CD2AP: variants seen among roughly 807,000 people sequenced by gnomAD.
CD2AP encodes the protein CD2-associated protein.
Under a neutral mutation model 85.1 loss-of-function variants are expected in CD2AP, and 46 were observed. That is an observed-to-expected ratio of 0.54 (90% CI 0.43 to 0.69). The LOEUF (loss-of-function observed/expected upper bound fraction) is 0.69. CD2AP is among the 30% of genes least tolerant of loss of function. The probability of loss-of-function intolerance (pLI) is 0.00; values close to 1 mark genes in which losing one functional copy is unlikely to be tolerated. For synonymous variants in CD2AP, 255 were observed against 252.9 expected, an observed-to-expected ratio of 1.01 and a Z score of -0.08; for missense variants, 769 against 729.5, an observed-to-expected ratio of 1.05 and a Z score of -0.62.
chr6:47,481,023 C>T lies in CD2AP; in HGVS notation c.4+2775C>T, dbSNP rs901361173. On this transcript the variant is annotated intron_variant, in intron 1 of 17. Coordinates refer to ENST00000359314, the MANE Select transcript of CD2AP (RefSeq NM_012120.3). Reference sequence around the variant, plus strand: ...ACATTTGTTAAATGTGATAAAATGCCTATTGAGAAGTTTGAGGTATTCTGT... The same window carrying T: ...ACATTTGTTAAATGTGATAAAATGCTTATTGAGAAGTTTGAGGTATTCTGT... Among the ~76,000 whole-genome samples, 3 of 152,112 alleles carry T rather than the reference C, an allele frequency of 2.0e-5. No homozygotes were observed. The East Asian group carries it at 5.8e-4, about 29-fold the overall frequency.
In CD2AP at chr6:47,609,325, C is replaced by T. The variant is rs748448514; in HGVS notation, c.1814+21C>T. The T allele has an allele frequency of 2.6e-6, 4 of 1,567,928 alleles. No individual in the cohort carries two copies. The Admixed American group carries it at 6.7e-5, about 26-fold the overall frequency. On this transcript the variant is annotated intron_variant, in intron 16 of 17. Transcript: ENST00000359314. ...CACGGGTAAGTAGCCCTTCTTTTCT[C>T]CTGTGAGTACTACTTAACCCATGCA...
At chr6:47,582,249 CA>C in intron 11 of CD2AP, 184 bp downstream of exon 11, 2 of 542,066 alleles carry the variant, frequency 3.7e-6, no homozygotes, top group Non-Finnish European at 3.4e-6. Flanking sequence ...AATTTACATT[CA>C]TTAAAAAATT....
intron 1 of CD2AP, among the ~76,000 whole-genome samples, chr6:47,482,303 A>G (rs1765465330): frequency 6.6e-6 from 1 of 152,156 alleles, no homozygotes; most frequent in Non-Finnish European, 1.5e-5. Context: ...AAATCACATT[A>G]AGGCTGAAAA....
At chr6:47,577,836 C>G (rs1001039519) in intron 8 of CD2AP, among the ~76,000 whole-genome samples, 8 of 151,948 alleles carry the variant, frequency 5.3e-5, no homozygotes, top group African/African-American at 1.9e-4. Context: ...CTTTGGCCTC[C>G]CAAAGTGCCG....
chr6:47,596,549 T>C (rs1469645499), intron 12 of CD2AP, among the ~76,000 whole-genome samples: 1 of 152,136 alleles, frequency 6.6e-6, no homozygotes, highest in Non-Finnish European at 1.5e-5. Context: ...TTATTTGACT[T>C]AACATCCTCC....
intron 1 of CD2AP, among the ~76,000 whole-genome samples, chr6:47,494,750 G>A (rs1765815452): frequency 6.6e-6 from 1 of 152,182 alleles, no homozygotes; most frequent in Non-Finnish European, 1.5e-5. Flanking sequence ...TCCACAGTCA[G>A]CCTCCAGCAA....
At chr6:47,608,068 G>C (rs772289650) in intron 15 of CD2AP, 40 bp downstream of exon 15, 2 of 1,359,840 alleles carry the variant, frequency 1.5e-6, no homozygotes, top group South Asian at 2.3e-5. Context: ...GACTTTCTGG[G>C]ATTCTTTGTG....
intron 13 of CD2AP, among the ~76,000 whole-genome samples, chr6:47,599,975 GTT>G (rs146768764): frequency 6.8e-6 from 1 of 146,600 alleles, no homozygotes; most frequent in East Asian, 2.0e-4. Context: ...TGTACTTCCT[GTT>G]TTTTTTTTAA....
intron 13 of CD2AP, among the ~76,000 whole-genome samples, chr6:47,601,718 C>A (rs1769141304): frequency 6.6e-6 from 1 of 151,888 alleles, no homozygotes; most frequent in African/African-American, 2.4e-5. Context: ...TATTTTGGCT[C>A]AAATACAGCC....
chr6:47,526,820 A>G (rs1205835080), intron 2 of CD2AP, among the ~76,000 whole-genome samples: 5 of 152,172 alleles, frequency 3.3e-5, no homozygotes, highest in Admixed American at 2.6e-4. Flanking sequence ...CAATGTAGGT[A>G]GCTTATGAGG....
rs1293791192 is a variant in CD2AP, at chr6:47,606,252, C to T, written c.1505C>T (p.Pro502Leu). ...CCAAAGATGCCTGGAAGAAGGTTGCCGGGCCGTTTCAATGGTGGACATTCT... is the reference window on the plus strand; with the variant it reads ...CCAAAGATGCCTGGAAGAAGGTTGCTGGGCCGTTTCAATGGTGGACATTCT... Reference protein sequence around the residue: ...NRPKMPGRRLPGRFNGGHSPT... With the variant: ...NRPKMPGRRLLGRFNGGHSPT... The change falls in exon 14 of 18, where the codon CCG becomes CTG. Residue 502 changes from proline to leucine, a missense_variant. Transcript: ENST00000359314. 1.6e-5 allele frequency: 25 copies of T among 1,607,114 alleles called. No individual in the cohort carries two copies. The East Asian group carries it at 1.8e-4, about 11-fold the overall frequency.
chr6:47,585,771 A>C lies in CD2AP; in HGVS notation c.1108+3706A>C, dbSNP rs558504866. Among the ~76,000 whole-genome samples the C allele has an allele frequency of 4.6e-5, 7 of 152,354 alleles. No individual in the cohort carries two copies. In the South Asian group the frequency reaches 1.4e-3, roughly 32 times the overall value. Reference sequence around the variant, plus strand: ...AATGGAGAAATAACCATTGGAAAGCAATAGGTGAAGCACTCTTTGTAACTC... The same window carrying C: ...AATGGAGAAATAACCATTGGAAAGCCATAGGTGAAGCACTCTTTGTAACTC... On this transcript the variant is annotated intron_variant, in intron 11 of 17. Transcript: ENST00000359314.
At chr6:47,591,903 C>T (rs1289594512) in intron 11 of CD2AP, among the ~76,000 whole-genome samples, 1 of 152,120 alleles carries the variant, frequency 6.6e-6, no homozygotes, top group African/African-American at 2.4e-5. Flanking sequence ...TAGCCCACTG[C>T]AACCTCAAAC....
At chr6:47,606,687 G>T (rs951924485) in intron 14 of CD2AP, among the ~76,000 whole-genome samples, 5 of 151,564 alleles carry the variant, frequency 3.3e-5, no homozygotes, top group Admixed American at 2.0e-4. Flanking sequence ...ATTAACTTCA[G>T]CAGGTACATA....
chr6:47,622,667 G>A (rs1215148046), intron 17 of CD2AP, among the ~76,000 whole-genome samples: 1 of 152,196 alleles, frequency 6.6e-6, no homozygotes, highest in African/African-American at 2.4e-5. Flanking sequence ...CACTTCCGCA[G>A]TTGGGACACA....
chr6:47,559,257 A>G (rs1483124513), intron 5 of CD2AP, among the ~76,000 whole-genome samples: 2 of 130,638 alleles, frequency 1.5e-5, no homozygotes, highest in Non-Finnish European at 3.3e-5. Context: ...GTTTCGTGCA[A>G]TTTTTTTTTT....
At chr6:47,543,148 C>CAAAAAAAAAAAAAAAAAAAAAAAAGAAAA (rs1767269647) in intron 3 of CD2AP, among the ~76,000 whole-genome samples, 1 of 60,320 alleles carries the variant, frequency 1.7e-5, no homozygotes. Context: ...AAGACTGTCT[C>CAAAAAAAAAAAAAAAAAAAAAAAAGAAAA]AAAAAAAAAA....
At chr6:47,579,536 G>A (rs1768413814) in intron 9 of CD2AP, 47 bp downstream of exon 9, 1 of 1,230,248 alleles carries the variant, frequency 8.1e-7, no homozygotes, top group Non-Finnish European at 1.2e-6. Flanking sequence ...AGAACATTTT[G>A]CCACTATTCT....
chr6:47,562,717 A>ATGCT (rs1767894219), intron 5 of CD2AP: 3 of 735,904 alleles, frequency 4.1e-6, no homozygotes, highest in African/African-American at 1.7e-5. Context: ...GTAGCCTAGC[A>ATGCT]GTGAAATTTG....
Sources: allele counts gnomAD v4.1 joint callset (sites outside exome capture counted in the v4.1 genomes callset), GRCh38; gene constraint gnomAD v4.1.1; transcripts MANE v1.5; gene names NCBI Gene and HGNC (gene_info 2026-07-23, HGNC 2026-07-21).